MDGA2: variants seen among roughly 807,000 people sequenced by gnomAD.
MDGA2 encodes MAM domain-containing glycosylphosphatidylinositol anchor protein 2.
A neutral mutation model predicts 117.8 loss-of-function variants in MDGA2; 40 were observed. That is an observed-to-expected ratio of 0.34 (90% CI 0.26 to 0.44). The LOEUF (loss-of-function observed/expected upper bound fraction) is 0.44, where lower values mean the gene tolerates loss of function less well. Ranked by LOEUF, MDGA2 falls within the 20% of genes least tolerant of loss-of-function variation. The probability of loss-of-function intolerance (pLI) is 1.00; values close to 1 mark genes in which losing one functional copy is unlikely to be tolerated. For missense variants in MDGA2, 1,123 were observed against 1,250.6 expected, an observed-to-expected ratio of 0.90 and a Z score of 1.54; for synonymous variants, 452 against 439.0, an observed-to-expected ratio of 1.03 and a Z score of -0.37.
At chr14:47,461,754 TCCC>T (rs1893491923) in intron 1 of MDGA2, among the ~76,000 whole-genome samples, 1 of 152,034 alleles carries the variant, frequency 6.6e-6, no homozygotes, top group Admixed American at 6.6e-5. Flanking sequence ...CAACATATGA[TCCC>T]CATTTTATTT....
intron 1 of MDGA2, among the ~76,000 whole-genome samples, chr14:47,337,901 C>A (rs528531224): frequency 1.1e-4 from 17 of 152,076 alleles, no homozygotes; most frequent in African/African-American, 3.4e-4. Context: ...GTAAGCTAGT[C>A]TATGAATACC....
chr14:47,334,793 G>A (rs532171728), intron 1 of MDGA2, among the ~76,000 whole-genome samples: 1 of 152,002 alleles, frequency 6.6e-6, no homozygotes, highest in African/African-American at 2.4e-5. Context: ...AAGCAACTGT[G>A]ACTGCTCAGA....
In MDGA2 at chr14:47,498,047, T is replaced by G. The variant is rs111822034; in HGVS notation, c.280+176470A>C. Among the ~76,000 whole-genome samples the G allele has an allele frequency of 2.7e-4, 41 of 152,302 alleles. 1 individual carries two copies. The highest frequency in any genetic ancestry group is 9.6e-4 in the African/African-American group (40 of 41,578). On this transcript the variant is annotated intron_variant, in intron 1 of 16. Transcript: ENST00000399232. Reference sequence around the variant, plus strand: ...TGTTACTTTCTAATAAATATTCCTTTAAGTAAGGATTAGGTATAATACTCT... The same window carrying G: ...TGTTACTTTCTAATAAATATTCCTTGAAGTAAGGATTAGGTATAATACTCT...
At chr14:47,588,919 G>C (rs1295370764) in intron 1 of MDGA2, among the ~76,000 whole-genome samples, 1 of 151,846 alleles carries the variant, frequency 6.6e-6, no homozygotes, top group Non-Finnish European at 1.5e-5. Context: ...TGTCCATTCA[G>C]CTCTAGAGGC....
chr14:47,103,947 C>A (rs577191333), intron 5 of MDGA2, among the ~76,000 whole-genome samples: 2 of 152,218 alleles, frequency 1.3e-5, no homozygotes, highest in South Asian at 4.1e-4. Context: ...ACAAAAGAGT[C>A]AAAGAATCCC....
At chr14:47,030,742 A>G (rs1888635184) in intron 8 of MDGA2, among the ~76,000 whole-genome samples, 1 of 152,158 alleles carries the variant, frequency 6.6e-6, no homozygotes, top group Admixed American at 6.5e-5. Flanking sequence ...TTTTAATGTT[A>G]TTAAAACATT....
chr14:47,430,457 C>T (rs1429895551), intron 1 of MDGA2, among the ~76,000 whole-genome samples: 1 of 152,034 alleles, frequency 6.6e-6, no homozygotes, highest in Non-Finnish European at 1.5e-5. Flanking sequence ...ATCTGCGTTT[C>T]TCATACTTCA....
chr14:47,530,851 A>G (rs1476442189), intron 1 of MDGA2, among the ~76,000 whole-genome samples: 1 of 152,206 alleles, frequency 6.6e-6, no homozygotes, highest in East Asian at 1.9e-4. Context: ...TAGGTAAAAT[A>G]AAACAAATAT....
intron 10 of MDGA2, among the ~76,000 whole-genome samples, chr14:46,895,213 G>A (rs1415054883): frequency 6.6e-6 from 1 of 152,056 alleles, no homozygotes; most frequent in African/African-American, 2.4e-5. Context: ...AATTGAATCA[G>A]GGGGGCAGTT....
chr14:47,436,635 A>C (rs940015208), intron 1 of MDGA2, among the ~76,000 whole-genome samples: 6 of 152,118 alleles, frequency 3.9e-5, no homozygotes, highest in Admixed American at 1.3e-4. Context: ...ACATTAAAAT[A>C]AGAATTGTCT....
chr14:46,957,191 ATTCTT>A (rs1272512141), intron 9 of MDGA2, among the ~76,000 whole-genome samples, 178 bp downstream of exon 9: 1 of 152,188 alleles, frequency 6.6e-6, no homozygotes, highest in Non-Finnish European at 1.5e-5. Flanking sequence ...AGGCCTGTGC[ATTCTT>A]TTAACTATTA....
chr14:46,858,780 A>G (rs1881388531), intron 14 of MDGA2, among the ~76,000 whole-genome samples: 1 of 152,106 alleles, frequency 6.6e-6, no homozygotes, highest in Admixed American at 6.5e-5. Context: ...TAACTTTCTT[A>G]AGTTTGGTTT....
At chr14:47,539,474 T>C (rs1405465844) in intron 1 of MDGA2, among the ~76,000 whole-genome samples, 14 of 152,150 alleles carry the variant, frequency 9.2e-5, no homozygotes, top group Non-Finnish European at 1.8e-4. Context: ...GCTATGGAGC[T>C]GACAGGCAGT....
intron 2 of MDGA2, among the ~76,000 whole-genome samples, chr14:47,256,151 T>C (rs893556962): frequency 6.6e-6 from 1 of 151,676 alleles, no homozygotes; most frequent in African/African-American, 2.4e-5. Context: ...GATGGCTATT[T>C]TATTCAAGCC....
chr14:47,150,745 GA>G (rs927265002), intron 3 of MDGA2, among the ~76,000 whole-genome samples: 1 of 152,000 alleles, frequency 6.6e-6, no homozygotes, highest in Non-Finnish European at 1.5e-5. Context: ...CCAACATGGT[GA>G]AACCTTGTCT....
Position 47,601,400 on chromosome 14 carries a change from T to TA in MDGA2, c.280+73116dup, listed in dbSNP as rs374840795. On this transcript the variant is annotated intron_variant, in intron 1 of 16. Coordinates refer to ENST00000399232, the MANE Select transcript of MDGA2 (RefSeq NM_001113498.3). Reference sequence around the variant, plus strand: ...TCCTAGGTTTAGAAGCAAATTTTTTTAAAAAAAAATCTGTATTGATCAAAG... The same window carrying TA: ...TCCTAGGTTTAGAAGCAAATTTTTTTAAAAAAAAAATCTGTATTGATCAAAG... Among the ~76,000 whole-genome samples, 841 of 151,460 alleles carry TA rather than the reference T, an allele frequency of 5.6e-3. 5 individuals carry two copies. Among genetic ancestry groups the TA allele is most frequent in the African/African-American group, 0.018 (749 of 41,338 alleles).
chr14:47,095,833 T>C (rs187343307), intron 6 of MDGA2, among the ~76,000 whole-genome samples: 2 of 152,098 alleles, frequency 1.3e-5, no homozygotes, highest in East Asian at 3.9e-4. Flanking sequence ...ATCACAAGTG[T>C]TTATCTCTAT....
intron 1 of MDGA2, among the ~76,000 whole-genome samples, chr14:47,330,892 A>C (rs1594800072): frequency 6.6e-6 from 1 of 151,894 alleles, no homozygotes; most frequent in Admixed American, 6.6e-5. Context: ...TGTGTGTTTC[A>C]ATAAAGTCAA....
At chr14:47,362,781 C>A (rs1891151745) in intron 1 of MDGA2, among the ~76,000 whole-genome samples, 1 of 152,084 alleles carries the variant, frequency 6.6e-6, no homozygotes, top group Non-Finnish European at 1.5e-5. Context: ...GCTTTCTCAC[C>A]AGTTTTGACA....
Sources: gnomAD v4.1 joint callset for allele counts (sites outside exome capture counted in the v4.1 genomes callset) on GRCh38, gnomAD v4.1.1 for gene constraint, MANE v1.5 for transcripts, NCBI Gene and HGNC (gene_info 2026-07-23, HGNC 2026-07-21) for gene names.